The following PEX5L variants were observed in gnomAD, a reference collection of about 807,000 sequenced individuals.
PEX5L encodes the protein peroxisomal biogenesis factor 5 like.
PEX5L carries 30 observed loss-of-function variants against 84.0 expected under a neutral mutation model. The observed-to-expected ratio is 0.36, with a 90% confidence interval of 0.27 to 0.48. The LOEUF (loss-of-function observed/expected upper bound fraction) is 0.48, where lower values mean the gene tolerates loss of function less well. PEX5L is among the 20% of genes least tolerant of loss of function. The pLI, the probability that PEX5L is intolerant of heterozygous loss-of-function variation, is 0.99. For synonymous variants in PEX5L, 270 were observed against 283.1 expected, an observed-to-expected ratio of 0.95 and a Z score of 0.46; for missense variants, 533 against 754.6, an observed-to-expected ratio of 0.71 and a Z score of 3.44.
At chr3:179,810,040 G>GTCTCA (rs1260473227) in intron 11 of PEX5L, among the ~76,000 whole-genome samples, 1 of 104,190 alleles carries the variant, frequency 9.6e-6, no homozygotes, top group Non-Finnish European at 1.7e-5. Context: ...TTTAGACAGA[G>GTCTCA]TCTCACTCTG....
rs565838909 is a variant in PEX5L, at chr3:179,981,206, C to T, written c.22-9541G>A. 7.2e-5 allele frequency among the ~76,000 whole-genome samples: 11 copies of T among 152,148 alleles called. No individual in the cohort carries two copies. In the East Asian group the frequency reaches 1.7e-3, roughly 24 times the overall value. On this transcript the variant is annotated intron_variant, in intron 1 of 14. Coordinates refer to ENST00000467460, the MANE Select transcript of PEX5L (RefSeq NM_016559.3). ...CCAGGGTTGTGGGGGTTGATCCAGA[C>T]GAGGCTGGAGAGGAAGGCCAAGTCT...
chr3:179,908,743 T>C (rs919756758), intron 2 of PEX5L, among the ~76,000 whole-genome samples: 1 of 152,080 alleles, frequency 6.6e-6, no homozygotes, highest in Admixed American at 6.5e-5. Flanking sequence ...CTTGCGATAG[T>C]TTGCTGAGAA....
intron 2 of PEX5L, among the ~76,000 whole-genome samples, chr3:179,959,131 T>A (rs913878771): frequency 3.3e-5 from 5 of 151,040 alleles, no homozygotes; most frequent in African/African-American, 1.2e-4. Context: ...AGTATAAATT[T>A]CTAGCAAGCG....
At position 179,994,405 on chromosome 3, in the gene PEX5L, G is replaced by C. The variant is rs182028713; in HGVS notation, c.22-22740C>G. ...ACTCACTCAAATCTTCTAGCAAAGT[G>C]CTCCAAATATTTTTCCATGGCCTCT... On this transcript the variant is annotated intron_variant, in intron 1 of 14. Coordinates refer to ENST00000467460, the MANE Select transcript of PEX5L (RefSeq NM_016559.3). Among the ~76,000 whole-genome samples, 88 of 152,258 alleles carry C rather than the reference G, an allele frequency of 5.8e-4. 1 individual carries two copies. In the East Asian group the frequency reaches 0.015, roughly 26 times the overall value.
chr3:180,020,616 T>A (rs774214970), intron 1 of PEX5L, among the ~76,000 whole-genome samples: 1 of 152,170 alleles, frequency 6.6e-6, no homozygotes, highest in Non-Finnish European at 1.5e-5. Context: ...ATATACAAGT[T>A]AGAGCAGAAA....
chr3:180,011,095 C>T (rs1308121344), intron 1 of PEX5L, among the ~76,000 whole-genome samples: 3 of 152,156 alleles, frequency 2.0e-5, no homozygotes, highest in Non-Finnish European at 4.4e-5. Flanking sequence ...ACTTTCCCTT[C>T]CTTTCTATCA....
chr3:179,986,569 A>G (rs1409395207), intron 1 of PEX5L, among the ~76,000 whole-genome samples: 1 of 151,700 alleles, frequency 6.6e-6, no homozygotes, highest in Non-Finnish European at 1.5e-5. Flanking sequence ...CGCCCGGCTA[A>G]TTTTTTGTAT....
At chr3:179,859,455 CT>C (rs1193619254) in intron 7 of PEX5L, among the ~76,000 whole-genome samples, 3 of 152,170 alleles carry the variant, frequency 2.0e-5, no homozygotes, top group Non-Finnish European at 4.4e-5. Flanking sequence ...GATTCCAGGC[CT>C]TGATATTTTA....
chr3:179,945,765 C>T (rs531449761), intron 2 of PEX5L, among the ~76,000 whole-genome samples: 1 of 152,312 alleles, frequency 6.6e-6, no homozygotes, highest in African/African-American at 2.4e-5. Context: ...CAGCCAGTTC[C>T]TTTGCTGGAC....
intron 8 of PEX5L, among the ~76,000 whole-genome samples, chr3:179,831,914 A>G (rs1733128986): frequency 6.6e-6 from 1 of 152,238 alleles, no homozygotes; most frequent in Non-Finnish European, 1.5e-5. Flanking sequence ...TCAAGATCAG[A>G]AAAGACCTTA....
rs566034491 is a variant in PEX5L, at chr3:179,927,024, A to C, written c.94-28778T>G. On this transcript the variant is annotated intron_variant, in intron 2 of 14. Transcript: ENST00000467460. ...TAAGCAAATTGTTTAAACTCTCTGG[A>C]AGTTAGTTTTCTCAGTTAAAAAATG... 1.3e-3 allele frequency among the ~76,000 whole-genome samples: 193 copies of C among 152,296 alleles called. 2 individuals are homozygous for C. The highest frequency in any genetic ancestry group is 4.5e-3 in the African/African-American group (187 of 41,562).
At chr3:179,980,587 T>A (rs1374392779) in intron 1 of PEX5L, among the ~76,000 whole-genome samples, 2 of 152,196 alleles carry the variant, frequency 1.3e-5, no homozygotes, top group Non-Finnish European at 2.9e-5. Context: ...TGTGACAATT[T>A]CTAGAGGGTA....
chr3:179,824,986 C>T (rs979730593), intron 8 of PEX5L, among the ~76,000 whole-genome samples: 2 of 152,192 alleles, frequency 1.3e-5, no homozygotes, highest in African/African-American at 2.4e-5. Context: ...CCCAGAGCTA[C>T]ATCACAGATG....
chr3:179,845,550 T>C (rs1738987422), intron 8 of PEX5L, among the ~76,000 whole-genome samples: 1 of 152,242 alleles, frequency 6.6e-6, no homozygotes, highest in Non-Finnish European at 1.5e-5. Flanking sequence ...AAGAAAAATC[T>C]GAGATAAGGA....
chr3:179,900,636 G>C (rs1760983201), intron 2 of PEX5L: 1 of 1,397,596 alleles, frequency 7.2e-7, no homozygotes, highest in African/African-American at 1.4e-5. Flanking sequence ...ATAAATACAT[G>C]CGGTGCTTTT....
In PEX5L at chr3:179,973,598, T is replaced by C. The variant is rs959721576; in HGVS notation, c.22-1933A>G. 4.1e-6 allele frequency: 4 copies of C among 984,602 alleles called. No homozygotes were observed. The African/African-American group carries it at 7.0e-5, about 17-fold the overall frequency. The allele number at this position is 984,602 out of a possible 1,614,324, so 61.0% of individuals were successfully genotyped here. A position where few individuals can be genotyped will look rare whatever the true frequency, so the allele number is the denominator to read the frequency against. On this transcript the variant is annotated intron_variant, in intron 1 of 14. Coordinates refer to ENST00000467460, the MANE Select transcript of PEX5L (RefSeq NM_016559.3). ...GCCTCCTCATCATAAAAGCTCTTGA[T>C]TTCCCCTTTTTAATCTCCTATTCTA... is the stretch of plus-strand genomic sequence containing the variant.
At chr3:179,912,335 C>A (rs1448050161) in intron 2 of PEX5L, among the ~76,000 whole-genome samples, 3 of 152,004 alleles carry the variant, frequency 2.0e-5, no homozygotes, top group Non-Finnish European at 2.9e-5. Context: ...AGTGATTTGG[C>A]CTGAACTCAG....
intron 2 of PEX5L, among the ~76,000 whole-genome samples, chr3:179,909,892 G>T (rs1764579434): frequency 6.6e-6 from 1 of 152,148 alleles, no homozygotes; most frequent in African/African-American, 2.4e-5. Flanking sequence ...CCCACACCTT[G>T]ATCTCAAGCC....
intron 8 of PEX5L, among the ~76,000 whole-genome samples, chr3:179,830,885 T>C (rs1732597887): frequency 6.6e-6 from 1 of 152,206 alleles, no homozygotes; most frequent in African/African-American, 2.4e-5. Flanking sequence ...AGACTCTAGA[T>C]GGACTGACAT....
Sources: gnomAD v4.1 joint callset for allele counts (sites outside exome capture counted in the v4.1 genomes callset) on GRCh38, gnomAD v4.1.1 for gene constraint, MANE v1.5 for transcripts, NCBI Gene and HGNC (gene_info 2026-07-23, HGNC 2026-07-21) for gene names.